The following SPSB1 variants were observed in gnomAD, a reference collection of about 807,000 sequenced individuals.
The protein encoded by SPSB1 is SPRY domain-containing SOCS box protein 1.
In SPSB1, 8 loss-of-function variants were observed where a neutral mutation model predicts 21.2. The observed-to-expected ratio is 0.38, with a 90% CI of 0.22 to 0.68. The LOEUF (loss-of-function observed/expected upper bound fraction) is 0.68, where lower values mean the gene tolerates loss of function less well. Among genes scored for constraint, SPSB1 ranks in the 30% least tolerant of loss-of-function variants. The pLI is 0.53. For missense variants in SPSB1, 242 were observed against 377.8 expected, an observed-to-expected ratio of 0.64 and a Z score of 2.98; for synonymous variants, 169 against 161.7, an observed-to-expected ratio of 1.05 and a Z score of -0.34.
intron 1 of SPSB1, among the ~76,000 whole-genome samples, chr1:9,337,538 C>T (rs1047189639): frequency 6.6e-6 from 1 of 152,096 alleles, no homozygotes; most frequent in Non-Finnish European, 1.5e-5. Flanking sequence ...GGGAGGGGTG[C>T]ACCCTAACCT....
chr1:9,306,427 G>A (rs977552419), intron 1 of SPSB1, among the ~76,000 whole-genome samples: 12 of 152,170 alleles, frequency 7.9e-5, no homozygotes, highest in South Asian at 2.1e-4. Flanking sequence ...TGCATGGACC[G>A]GGGTCTGTCT....
chr1:9,365,026 A>G (rs1349552271), intron 2 of SPSB1, among the ~76,000 whole-genome samples: 1 of 151,996 alleles, frequency 6.6e-6, no homozygotes, highest in Non-Finnish European at 1.5e-5. Flanking sequence ...TCATTTTTGT[A>G]TACTAATTTT....
intron 1 of SPSB1, among the ~76,000 whole-genome samples, chr1:9,323,153 T>A (rs1000665592): frequency 6.6e-6 from 1 of 152,114 alleles, no homozygotes; most frequent in Non-Finnish European, 1.5e-5. Context: ...CCTGCTGCCA[T>A]GTTGGAGGGG....
chr1:9,308,396 G>A (rs1639457226), intron 1 of SPSB1, among the ~76,000 whole-genome samples: 1 of 152,164 alleles, frequency 6.6e-6, no homozygotes, highest in South Asian at 2.1e-4. Context: ...TGTGGGTCGG[G>A]GGACAGTTTC....
chr1:9,353,331 TC>T lies in SPSB1; in HGVS notation c.-149-2409del, dbSNP rs149230974. 4.8e-3 allele frequency among the ~76,000 whole-genome samples: 735 copies of T among 152,010 alleles called. 6 individuals carry two copies. Among genetic ancestry groups the T allele is most frequent in the African/African-American group, 0.017 (697 of 41,442 alleles). On this transcript the variant is annotated intron_variant, in intron 1 of 2. Transcript: ENST00000328089. Reference sequence around the variant, plus strand: ...CAGACCCAGCTCTCTCCCCCTTCCCTCCCGCAGCTTGAGGCGCAGGCCCCAA... The same window carrying T: ...CAGACCCAGCTCTCTCCCCCTTCCCTCCGCAGCTTGAGGCGCAGGCCCCAA...
At chr1:9,354,779 C>T (rs1418067453) in intron 1 of SPSB1, among the ~76,000 whole-genome samples, 3 of 151,270 alleles carry the variant, frequency 2.0e-5, no homozygotes, top group Non-Finnish European at 4.4e-5. Flanking sequence ...CCAGCCTGGG[C>T]GACAGAGCAA....
intron 1 of SPSB1, among the ~76,000 whole-genome samples, chr1:9,310,891 G>A (rs1268820955): frequency 2.0e-5 from 3 of 152,152 alleles, no homozygotes; most frequent in African/African-American, 7.2e-5. Context: ...GCCACAGCGT[G>A]CTTAATTTAT....
At chr1:9,319,898 C>T (rs547443975) in intron 1 of SPSB1, among the ~76,000 whole-genome samples, 108 of 152,238 alleles carry the variant, frequency 7.1e-4, no homozygotes, top group African/African-American at 1.3e-3. Context: ...GCAGCCTCCC[C>T]GCCTATCTAG....
At chr1:9,354,750 G>A (rs910594959) in intron 1 of SPSB1, among the ~76,000 whole-genome samples, 4 of 151,916 alleles carry the variant, frequency 2.6e-5, no homozygotes, top group Non-Finnish European at 5.9e-5. Context: ...GCAGTGAGCC[G>A]AGATCACGCC....
At position 9,309,327 on chromosome 1, in the gene SPSB1, TGTGTGTGA is replaced by T. The variant is rs1438727049; in HGVS notation, c.-150+16260_-150+16267del. ...GTGTGTGTGTGTGTGTGTGTGTGTG[TGTGTGTGA>T]GTGACAGATTCTCTCTCTGTCACCC... On this transcript the variant is annotated intron_variant, in intron 1 of 2. Transcript: ENST00000328089. Among the ~76,000 whole-genome samples, 264 of 137,788 alleles carry T rather than the reference TGTGTGTGA, an allele frequency of 1.9e-3. 1 individual carries two copies. Among genetic ancestry groups the T allele is most frequent in the African/African-American group, 6.2e-3 (218 of 35,034 alleles). 90.4% of individuals were successfully genotyped at this position (137,788 alleles called of 152,430 possible). A position where few individuals can be genotyped will look rare whatever the true frequency, so the allele number is the denominator to read the frequency against.
chr1:9,318,393 G>A (rs1639648636), intron 1 of SPSB1, among the ~76,000 whole-genome samples: 1 of 152,212 alleles, frequency 6.6e-6, no homozygotes, highest in South Asian at 2.1e-4. Context: ...GCTGCCTTGC[G>A]GACAGACAGG....
chr1:9,335,240 G>A lies in SPSB1; in HGVS notation c.-149-20503G>A, dbSNP rs141017970. Among the ~76,000 whole-genome samples, 61 of 152,318 alleles carry A rather than the reference G, an allele frequency of 4.0e-4. 1 individual carries two copies. The East Asian group carries it at 0.011, about 27-fold the overall frequency. On this transcript the variant is annotated intron_variant, in intron 1 of 2. Coordinates refer to ENST00000328089, the MANE Select transcript of SPSB1 (RefSeq NM_025106.4). ...TGTGGGGTTAGGCACAGTGGCTCACGCCTGTAATTCTTGCACTTTGGGAGG... is the reference window on the plus strand; with the variant it reads ...TGTGGGGTTAGGCACAGTGGCTCACACCTGTAATTCTTGCACTTTGGGAGG...
chr1:9,350,593 T>TG (rs1640240428), intron 1 of SPSB1, among the ~76,000 whole-genome samples: 1 of 152,200 alleles, frequency 6.6e-6, no homozygotes, highest in Admixed American at 6.5e-5. Context: ...TGTGTGTGCA[T>TG]GTAGGCATGC....
At chr1:9,366,313 G>T (rs975335379) in intron 2 of SPSB1, among the ~76,000 whole-genome samples, 1 of 152,224 alleles carries the variant, frequency 6.6e-6, no homozygotes, top group Non-Finnish European at 1.5e-5. Flanking sequence ...CCTGAGCTTG[G>T]CCTGGGCCCT....
chr1:9,358,495 G>A (rs972734536), intron 2 of SPSB1, among the ~76,000 whole-genome samples: 24 of 152,176 alleles, frequency 1.6e-4, no homozygotes, highest in African/African-American at 5.6e-4. Context: ...GTGGCACCAC[G>A]TCCACAGCCA....
In SPSB1 at chr1:9,321,807, G is replaced by A. The variant is rs9435224; in HGVS notation, c.-150+28736G>A. 0.11 allele frequency among the ~76,000 whole-genome samples: 16,847 copies of A among 152,136 alleles called. 2,150 individuals are homozygous for A. The highest frequency in any genetic ancestry group is 0.31 in the African/African-American group (13,010 of 41,422). On this transcript the variant is annotated intron_variant, in intron 1 of 2. Transcript: ENST00000328089. The surrounding 1 kb of genome is among the most constrained non-coding windows in gnomAD (Gnocchi z 4.8). ...GGCTGGGAGACTGGCCAGGGGCACCGCAGAGACCACGGGAGAGGCTCTTCA... is the reference window on the plus strand; with the variant it reads ...GGCTGGGAGACTGGCCAGGGGCACCACAGAGACCACGGGAGAGGCTCTTCA...
At chr1:9,322,852 A>G (rs1479337126) in intron 1 of SPSB1, among the ~76,000 whole-genome samples, 1 of 149,420 alleles carries the variant, frequency 6.7e-6, no homozygotes, top group Non-Finnish European at 1.5e-5. Flanking sequence ...GTCACCAGGC[A>G]CCTCCAGCCC....
At chr1:9,309,186 C>A (rs764102209) in intron 1 of SPSB1, among the ~76,000 whole-genome samples, 18 of 150,394 alleles carry the variant, frequency 1.2e-4, no homozygotes, top group Non-Finnish European at 2.7e-4. Context: ...CACTTCCATG[C>A]CATTCACCTC....
At chr1:9,336,681 G>A (rs1372658965) in intron 1 of SPSB1, among the ~76,000 whole-genome samples, 1 of 152,228 alleles carries the variant, frequency 6.6e-6, no homozygotes, top group Non-Finnish European at 1.5e-5. Context: ...TAGTGAGGAC[G>A]CAACTCCTGG....
Sources: gnomAD v4.1 joint callset for allele counts (sites outside exome capture counted in the v4.1 genomes callset) on GRCh38, gnomAD v4.1.1 for gene constraint, Gnocchi (gnomAD v3.1) non-coding constraint, MANE v1.5 for transcripts, NCBI Gene and HGNC (gene_info 2026-07-23, HGNC 2026-07-21) for gene names.